OIT3: variants seen among roughly 807,000 people sequenced by gnomAD.
OIT3 encodes oncoprotein-induced transcript 3 protein.
A neutral mutation model predicts 52.2 loss-of-function variants in OIT3; 41 were observed. The ratio of observed to expected loss-of-function variants is 0.79; its 90% CI spans 0.61 to 1.02. The LOEUF (loss-of-function observed/expected upper bound fraction) is 1.02, where lower values mean the gene tolerates loss of function less well. Ranked by LOEUF, OIT3 falls within the 50% of genes least tolerant of loss-of-function variation. OIT3 has a pLI of 0.00. For missense variants in OIT3, 634 were observed against 715.5 expected (o/e 0.89, Z 1.30); for synonymous variants, 244 against 276.9 (o/e 0.88, Z 1.18).
At position 72,906,659 on chromosome 10, in the gene OIT3, C is replaced by A; in HGVS notation, c.608C>A (p.Ser203Tyr). Residue 203 changes from serine (S) to tyrosine (Y), a missense_variant, in exon 4 of 9, where the codon TCC (serine) becomes TAC (tyrosine). Ser to Tyr is a moderately radical substitution (Grantham distance 144, BLOSUM62 -2). Transcript: ENST00000334011. ...CSEICVNLKN[S>Y]YRCECGVGRV... ...GAGATCTGTGTGAACCTCAAAAACT[C>A]CTACCGCTGTGAGTGTGGGGTTGGC... 6.2e-7 allele frequency: 1 copy of A among 1,612,680 alleles called. No homozygotes were observed. Among genetic ancestry groups the A allele is most frequent in the Non-Finnish European group, 8.5e-7 (1 of 1,179,290 alleles).
At chr10:72,905,433 T>C (rs1845969740) in intron 3 of OIT3, among the ~76,000 whole-genome samples, 1 of 151,922 alleles carries the variant, frequency 6.6e-6, no homozygotes. Context: ...ATCACACCAC[T>C]GCACTCCAGT....
At chr10:72,906,447 A>C (rs1448537709) in intron 3 of OIT3, 149 bp from the exon 4 acceptor site, 1 of 789,018 alleles carries the variant, frequency 1.3e-6, no homozygotes. Flanking sequence ...GATCAGGTGG[A>C]TGGGAGTGAT....
At chr10:72,905,480 A>T (rs566093039) in intron 3 of OIT3, among the ~76,000 whole-genome samples, 1 of 152,122 alleles carries the variant, frequency 6.6e-6, no homozygotes, top group African/African-American at 2.4e-5. Flanking sequence ...AAAAAAGAAA[A>T]ATCTCGCTAT....
In OIT3 at chr10:72,924,164, G is replaced by A. The variant is rs965819319; in HGVS notation, c.952-65G>A. The A allele has an allele frequency of 5.5e-5, 76 of 1,373,076 alleles. No individual in the cohort carries two copies. The East Asian group carries it at 8.1e-4, about 15-fold the overall frequency. 85.1% of individuals were successfully genotyped at this position (1,373,076 alleles called of 1,614,324 possible). A position where few individuals can be genotyped will look rare whatever the true frequency, so the allele number is the denominator to read the frequency against. The stretch of plus-strand genomic sequence containing the variant: ...AGATAGAATGTTAAGGTGAGAGGAG[G>A]GGGAAAAAAAACTGTAGAAACAAAC... On this transcript the variant is annotated intron_variant, in intron 6 of 8. Coordinates refer to ENST00000334011, the MANE Select transcript of OIT3 (RefSeq NM_152635.3).
At position 72,905,393 on chromosome 10, in the gene OIT3, C is replaced by G. The variant is rs199578609; in HGVS notation, c.545-1203C>G. Among the ~76,000 whole-genome samples the G allele has an allele frequency of 2.0e-5, 3 of 152,050 alleles. No homozygotes were observed. In the East Asian group the frequency reaches 5.8e-4, roughly 29 times the overall value. ...GTCTGAGGCAGGAGTATCGCTTGAACCTGGGAGGCAGGGGTTGCAGTGAGC... is the reference window on the plus strand; with the variant it reads ...GTCTGAGGCAGGAGTATCGCTTGAAGCTGGGAGGCAGGGGTTGCAGTGAGC... On this transcript the variant is annotated intron_variant, in intron 3 of 8. Transcript: ENST00000334011.
Position 72,918,026 on chromosome 10 carries a change from G to A in OIT3, c.951+4558G>A, listed in dbSNP as rs149235760. The A allele has an allele frequency of 4.4e-4, 358 of 818,318 alleles. 6 individuals are homozygous for A. In the East Asian group the frequency reaches 4.7e-3, roughly 11 times the overall value. The allele number at this position is 818,318 out of a possible 1,614,324, so 50.7% of individuals were successfully genotyped here. On this transcript the variant is annotated intron_variant, in intron 6 of 8. Coordinates refer to ENST00000334011, the MANE Select transcript of OIT3 (RefSeq NM_152635.3). ...CATCATCATCTTCATCTTCTTCATC[G>A]TCATCATCATCATCATCATCATCTT...
rs551219590 is a variant in OIT3 at position 72,912,004 on chromosome 10, G to T, written c.790+165G>T. On this transcript the variant is annotated intron_variant, in intron 5 of 8. Coordinates refer to ENST00000334011, the MANE Select transcript of OIT3 (RefSeq NM_152635.3). ...ATCATCACTCTGGAATCATTTAACA[G>T]AGAAGATCTCTAAGAAAAGATTACC... is the stretch of plus-strand genomic sequence containing the variant. Among the ~76,000 whole-genome samples the T allele has an allele frequency of 5.9e-5, 9 of 152,298 alleles. No homozygotes were observed. In the East Asian group the frequency reaches 1.5e-3, roughly 26 times the overall value.
rs770647539 is a variant in OIT3 at position 72,893,831 on chromosome 10, C to T, written c.33C>T (p.Phe11=). The change falls in exon 1 of 9, where the codon TTC becomes TTT. Residue 11 remains phenylalanine (F), a synonymous_variant. Coordinates refer to ENST00000334011, the MANE Select transcript of OIT3 (RefSeq NM_152635.3). ...CATTCCTGCTTCTCACCTGCCTCTT[C>T]ATCACAGGCACCTCCGTGTCACCCG... MPPFLLLTCL[F]ITGTSVSPVA... 4 of 1,610,698 alleles carry T rather than the reference C, an allele frequency of 2.5e-6. No individual in the cohort carries two copies. The East Asian group carries it at 6.7e-5, about 27-fold the overall frequency.
At chr10:72,924,994 C>T (rs1346210915) in intron 7 of OIT3, among the ~76,000 whole-genome samples, 3 of 151,650 alleles carry the variant, frequency 2.0e-5, no homozygotes, top group Non-Finnish European at 2.9e-5. Context: ...ACCTGTAATC[C>T]CAGCTACTCA....
At chr10:72,905,450 GAC>G (rs917619253) in intron 3 of OIT3, among the ~76,000 whole-genome samples, 9 of 151,890 alleles carry the variant, frequency 5.9e-5, no homozygotes, top group African/African-American at 2.2e-4. Context: ...CAGTCTGGGT[GAC>G]AGAGGCTCCG....
intron 6 of OIT3, among the ~76,000 whole-genome samples, chr10:72,918,973 A>G (rs1846098749): frequency 6.6e-6 from 1 of 152,170 alleles, no homozygotes; most frequent in African/African-American, 2.4e-5. Flanking sequence ...TTGATTCGAT[A>G]TGAATTTTAA....
rs145480078 is a variant in OIT3 at position 72,932,484 on chromosome 10, C to T, written c.1598C>T (p.Thr533Met). 100 of 1,612,890 alleles carry T rather than the reference C, an allele frequency of 6.2e-5. No individual in the cohort carries two copies. The highest frequency in any genetic ancestry group is 4.7e-4 in the African/African-American group (35 of 75,032). The change falls in exon 9 of 9, where the codon ACG (threonine) becomes ATG (methionine). Residue 533 changes from threonine to methionine, a missense_variant. Thr to Met is a moderately conservative substitution (Grantham distance 81). Coordinates refer to ENST00000334011, the MANE Select transcript of OIT3 (RefSeq NM_152635.3). Reference sequence around the variant, plus strand: ...GACTCAGCCGGTCTACAGGGCCAGACGCTAACAGGCGGCCCGATCCGCATC... The same window carrying T: ...GACTCAGCCGGTCTACAGGGCCAGATGCTAACAGGCGGCCCGATCCGCATC... Reference protein sequence around the residue: ...GEDSAGLQGQTLTGGPIRIDW... With the variant: ...GEDSAGLQGQMLTGGPIRIDW...
In OIT3 at chr10:72,932,335, G is replaced by A. The variant is rs2132953462; in HGVS notation, c.1468-19G>A. The A allele has an allele frequency of 6.2e-7, 1 of 1,613,082 alleles. No individual in the cohort carries two copies. Among genetic ancestry groups the A allele is most frequent in the Non-Finnish European group, 8.5e-7 (1 of 1,179,066 alleles). Reference sequence around the variant, plus strand: ...GCAGCAGTTATTGTTTTTATTAACAGTCGTGATCATCTCTTCAGGAAGTGT... The same window carrying A: ...GCAGCAGTTATTGTTTTTATTAACAATCGTGATCATCTCTTCAGGAAGTGT... On this transcript the variant is annotated intron_variant, in intron 8 of 8. Coordinates refer to ENST00000334011, the MANE Select transcript of OIT3 (RefSeq NM_152635.3).
intron 2 of OIT3, among the ~76,000 whole-genome samples, chr10:72,899,814 T>G (rs1226219201): frequency 6.6e-6 from 1 of 152,104 alleles, no homozygotes; most frequent in African/African-American, 2.4e-5. Context: ...GTCCACTGAT[T>G]TTTTTAAGTG....
Position 72,898,952 on chromosome 10 carries a change from C to G in OIT3, c.350C>G (p.Thr117Ser), listed in dbSNP as rs148711896. 9.9e-6 allele frequency: 16 copies of G among 1,614,158 alleles called. No individual in the cohort carries two copies. In the East Asian group the frequency reaches 3.6e-4, roughly 36 times the overall value. Residue 117 changes from threonine to serine, a missense_variant, in exon 2 of 9, where the codon ACC becomes AGC. By Grantham distance (58) the Thr-to-Ser change is moderately conservative. Coordinates refer to ENST00000334011, the MANE Select transcript of OIT3 (RefSeq NM_152635.3). ...SFNGNCCLWNTTVEVKACPGG... is the reference protein window; with the variant it reads ...SFNGNCCLWNSTVEVKACPGG... The stretch of plus-strand genomic sequence containing the variant: ...AATGGGAACTGCTGTCTCTGGAACA[C>G]CACGGTGGAAGTCAAGGCTTGCCCT...
chr10:72,913,531 A>G (rs1193982286), intron 6 of OIT3, 63 bp downstream of exon 6: 1 of 1,316,400 alleles, frequency 7.6e-7, no homozygotes, highest in African/African-American at 1.4e-5. Flanking sequence ...GAGGCAGTGG[A>G]CAGAGGTATG....
chr10:72,930,711 T>G, intron 8 of OIT3, 74 bp downstream of exon 8: 1 of 929,398 alleles, frequency 1.1e-6, no homozygotes. Flanking sequence ...TCCCAGTGTG[T>G]TGACATTCCA....
chr10:72,907,461 A>T (rs925521627), intron 4 of OIT3, among the ~76,000 whole-genome samples: 9 of 152,156 alleles, frequency 5.9e-5, no homozygotes, highest in Non-Finnish European at 8.8e-5. Context: ...TGGCCAGGTA[A>T]TAGAGGCAGT....
chr10:72,924,776 T>G, intron 7 of OIT3, 132 bp downstream of exon 7: 1 of 819,880 alleles, frequency 1.2e-6, no homozygotes, highest in Non-Finnish European at 1.9e-6. Flanking sequence ...AACCACTTAT[T>G]GACATTTTGG....
Sources: gnomAD v4.1 joint callset for allele counts (sites outside exome capture counted in the v4.1 genomes callset) on GRCh38, gnomAD v4.1.1 for gene constraint, MANE v1.5 for transcripts, NCBI Gene and HGNC (gene_info 2026-07-23, HGNC 2026-07-21) for gene names.